Variants in RANBP2 observed in about 807,000 individuals in gnomAD.
The protein encoded by RANBP2 is E3 SUMO-protein ligase RanBP2.
Under a neutral mutation model 303.6 loss-of-function variants are expected in RANBP2, and 57 were observed. The observed-to-expected ratio is 0.19, with a 90% CI of 0.15 to 0.23. The LOEUF is 0.23. Ranked by LOEUF, RANBP2 falls within the 10% of genes least tolerant of loss-of-function variation. The pLI, the probability that RANBP2 is intolerant of heterozygous loss-of-function variation, is 1.00. For missense variants in RANBP2, 3,138 were observed against 3,780.8 expected (o/e 0.83, Z 4.46); for synonymous variants, 1,167 against 1,301.5 (o/e 0.90, Z 2.23).
At chr2:108,860,959 G>GTTTTTTT in the RANBP2 span, among the ~76,000 whole-genome samples, 1 of 10,180 alleles carries the variant, frequency 9.8e-5, no homozygotes, top group South Asian at 2.6e-3. Flanking sequence ...TTTTTTTTTT[G>GTTTTTTT]GTTGGTAAGG....
chr2:108,985,988 T>C, the RANBP2 span, among the ~76,000 whole-genome samples: 1 of 152,188 alleles, frequency 6.6e-6, no homozygotes, highest in Non-Finnish European at 1.5e-5. Flanking sequence ...GGCTGATCCC[T>C]GCCAAGACCC....
chr2:109,246,373 T>C, the RANBP2 span, among the ~76,000 whole-genome samples: 1 of 152,174 alleles, frequency 6.6e-6, no homozygotes, highest in Non-Finnish European at 1.5e-5. Flanking sequence ...GCAAGGCAAC[T>C]CTCCGAGGCC....
chr2:108,816,279 C>T, the RANBP2 span, among the ~76,000 whole-genome samples: 5 of 151,782 alleles, frequency 3.3e-5, no homozygotes, highest in Non-Finnish European at 7.4e-5. Context: ...GGTGCAACCC[C>T]GTCTCTACTA....
At chr2:109,299,173 G>T in the RANBP2 span, among the ~76,000 whole-genome samples, 1 of 152,206 alleles carries the variant, frequency 6.6e-6, no homozygotes, top group African/African-American at 2.4e-5. Context: ...TGCTCACGGG[G>T]CCTCCTCTGA....
chr2:108,857,756 G>C, the RANBP2 span, among the ~76,000 whole-genome samples: 107,392 of 152,108 alleles, frequency 0.71, 41,335 homozygotes, highest in East Asian at 0.9. Flanking sequence ...TGAACTGAGG[G>C]ATCCAGTATT....
At chr2:109,726,478 C>A in the RANBP2 span, among the ~76,000 whole-genome samples, 9 of 151,904 alleles carry the variant, frequency 5.9e-5, no homozygotes, top group Non-Finnish European at 1.0e-4. Flanking sequence ...GTGATGATGC[C>A]CCCTCCAGGA....
At chr2:108,906,522 G>A in the RANBP2 span, among the ~76,000 whole-genome samples, 8 of 152,328 alleles carry the variant, frequency 5.3e-5, no homozygotes, top group East Asian at 1.2e-3. Flanking sequence ...CTGACACACA[G>A]GGAGGAGGGC....
chr2:109,418,182 C>T, the RANBP2 span, among the ~76,000 whole-genome samples: 1 of 152,096 alleles, frequency 6.6e-6, no homozygotes, highest in Non-Finnish European at 1.5e-5. Context: ...TGCTGGGACC[C>T]CTATTCTGCC....
At chr2:108,726,367 G>A (rs1694707153) in intron 1 of RANBP2, among the ~76,000 whole-genome samples, 1 of 151,648 alleles carries the variant, frequency 6.6e-6, no homozygotes, top group Non-Finnish European at 1.5e-5. Flanking sequence ...CAAGAGTAGC[G>A]ATGCTGGCAG....
the RANBP2 span, among the ~76,000 whole-genome samples, chr2:109,368,539 A>G: frequency 0.16 from 24,039 of 151,878 alleles, 2,152 homozygotes; most frequent in Middle Eastern, 0.25. Context: ...AAAATTGGCA[A>G]CCTTCCTCAA....
chr2:108,946,775 T>A, the RANBP2 span, among the ~76,000 whole-genome samples: 24 of 152,288 alleles, frequency 1.6e-4, no homozygotes, highest in South Asian at 4.4e-3. Context: ...AAGCGCCCCA[T>A]GATCCAATCA....
chr2:109,606,198 C>T, the RANBP2 span, among the ~76,000 whole-genome samples: 1 of 152,216 alleles, frequency 6.6e-6, no homozygotes, highest in East Asian at 1.9e-4. Flanking sequence ...GGGAGGATTA[C>T]AAAGTCAAGA....
chr2:108,725,050 T>TGC (rs1386797863), intron 1 of RANBP2, among the ~76,000 whole-genome samples: 2 of 152,208 alleles, frequency 1.3e-5, no homozygotes, highest in African/African-American at 2.4e-5. Flanking sequence ...ATCTCTATCT[T>TGC]ACTGTGCAAG....
the RANBP2 span, among the ~76,000 whole-genome samples, chr2:108,996,195 G>A: frequency 6.6e-6 from 1 of 152,192 alleles, no homozygotes; most frequent in Non-Finnish European, 1.5e-5. Flanking sequence ...GCCTAACAGT[G>A]GGGATAGGTG....
the RANBP2 span, among the ~76,000 whole-genome samples, chr2:108,997,205 G>A: frequency 6.6e-6 from 1 of 152,144 alleles, no homozygotes; most frequent in Non-Finnish European, 1.5e-5. Flanking sequence ...ACTTTGGGAG[G>A]CTGAGGTGGG....
chr2:109,432,496 C>T, the RANBP2 span: 57 of 1,612,974 alleles, frequency 3.5e-5, no homozygotes, highest in Middle Eastern at 1.7e-4. Flanking sequence ...ATGCTTTGCC[C>T]GCAGGTACCT....
At chr2:109,352,855 C>T in the RANBP2 span, among the ~76,000 whole-genome samples, 3 of 152,242 alleles carry the variant, frequency 2.0e-5, no homozygotes, top group Non-Finnish European at 2.9e-5. Flanking sequence ...CCCCTTCTGA[C>T]AGCAAAGGGA....
At chr2:108,914,260 CA>C in the RANBP2 span, among the ~76,000 whole-genome samples, 53 of 147,264 alleles carry the variant, frequency 3.6e-4, no homozygotes, top group Non-Finnish European at 7.0e-4. Context: ...AACTTTGTCT[CA>C]AAAAAAAATA....
the RANBP2 span, among the ~76,000 whole-genome samples, chr2:108,955,793 G>A: frequency 5.3e-5 from 8 of 152,202 alleles, no homozygotes; most frequent in African/African-American, 1.7e-4. Flanking sequence ...TTGGGAGGCC[G>A]AGGCGGGCAG....
Sources: allele counts gnomAD v4.1 joint callset (sites outside exome capture counted in the v4.1 genomes callset), GRCh38; gene constraint gnomAD v4.1.1; transcripts MANE v1.5; gene names NCBI Gene and HGNC (gene_info 2026-07-23, HGNC 2026-07-21).